CLRN1: variants seen among roughly 807,000 people sequenced by gnomAD.
The protein encoded by CLRN1 is clarin-1.
A neutral mutation model predicts 18.7 loss-of-function variants in CLRN1; 15 were observed. The observed-to-expected ratio is 0.80, with a 90% CI of 0.54 to 1.23. The LOEUF is 1.23. Among genes scored for constraint, CLRN1 ranks in the 50% most tolerant of loss-of-function variants. The pLI, the probability that CLRN1 is intolerant of heterozygous loss-of-function variation, is 0.00. For synonymous variants in CLRN1, 104 were observed against 102.9 expected (o/e 1.01, Z -0.07); for missense variants, 311 against 277.5 (o/e 1.12, Z -0.86).
At chr3:150,930,358 T>C (rs1043091895) in intron 2 of CLRN1, among the ~76,000 whole-genome samples, 1 of 151,714 alleles carries the variant, frequency 6.6e-6, no homozygotes, top group Admixed American at 6.6e-5. Flanking sequence ...GATTTGGGGG[T>C]AGGAATGAGG....
intron 1 of CLRN1, among the ~76,000 whole-genome samples, chr3:150,944,528 AT>A (rs1254274437): frequency 6.7e-6 from 1 of 149,732 alleles, no homozygotes; most frequent in Admixed American, 6.7e-5. Context: ...TTTGGGATAC[AT>A]TTTGGAGATG....
At chr3:150,946,889 C>A in intron 1 of CLRN1, among the ~76,000 whole-genome samples, 2 of 113,488 alleles carry the variant, frequency 1.8e-5, no homozygotes, top group Admixed American at 1.0e-4. Context: ...CAATGCTATC[C>A]CTCCCCCCTC....
chr3:150,944,537 A>C (rs1714047021), intron 1 of CLRN1, among the ~76,000 whole-genome samples: 1 of 144,854 alleles, frequency 6.9e-6, no homozygotes, highest in African/African-American at 2.6e-5. Context: ...CATTTTGGAG[A>C]TGGAAGATAG....
chr3:150,967,098 AGTTTACCAAAC>A (rs1354049725), intron 1 of CLRN1, among the ~76,000 whole-genome samples: 3 of 152,186 alleles, frequency 2.0e-5, no homozygotes, highest in African/African-American at 7.2e-5. Context: ...CAATAGTGTC[AGTTTACCAAAC>A]GTTTATTAAG....
At chr3:150,959,173 G>A (rs1714899951) in intron 1 of CLRN1, among the ~76,000 whole-genome samples, 1 of 150,986 alleles carries the variant, frequency 6.6e-6, no homozygotes, top group Non-Finnish European at 1.5e-5. Context: ...TGTTGAACAA[G>A]TATCCTCTAA....
intron 1 of CLRN1, among the ~76,000 whole-genome samples, chr3:150,971,891 T>A (rs9289828): frequency 0.41 from 63,017 of 152,102 alleles, 14,436 homozygotes; most frequent in Non-Finnish European, 0.53. Flanking sequence ...TAAATAGGCA[T>A]CCATTTCTTT....
At chr3:150,930,093 C>A (rs1042351194) in intron 2 of CLRN1, among the ~76,000 whole-genome samples, 1 of 152,124 alleles carries the variant, frequency 6.6e-6, no homozygotes, top group African/African-American at 2.4e-5. Flanking sequence ...TATAATTTGG[C>A]AGAGGACATA....
chr3:150,952,111 G>A lies in CLRN1; in HGVS notation c.254-10350C>T, dbSNP rs189258154. ...AGTTGTCCACTATGCCCCATCTTCCGGCAGCATAGCAGTCTTACACTTCCG... is the reference window on the plus strand; with the variant it reads ...AGTTGTCCACTATGCCCCATCTTCCAGCAGCATAGCAGTCTTACACTTCCG... On this transcript the variant is annotated intron_variant, in intron 1 of 2. Coordinates refer to ENST00000327047, the MANE Select transcript of CLRN1 (RefSeq NM_174878.3). 6.6e-3 allele frequency among the ~76,000 whole-genome samples: 1,011 copies of A among 152,232 alleles called. 6 individuals carry two copies. Among genetic ancestry groups the A allele is most frequent in the Middle Eastern group, 0.01 (3 of 294 alleles).
At chr3:150,945,117 T>G (rs1714096517) in intron 1 of CLRN1, among the ~76,000 whole-genome samples, 1 of 152,144 alleles carries the variant, frequency 6.6e-6, no homozygotes, top group Non-Finnish European at 1.5e-5. Context: ...TCCTTAAACT[T>G]TATGTGCTAA....
chr3:150,960,445 C>T (rs749975797), intron 1 of CLRN1, among the ~76,000 whole-genome samples: 5 of 152,138 alleles, frequency 3.3e-5, no homozygotes, highest in Non-Finnish European at 7.3e-5. Context: ...CCTTGAAGTA[C>T]GTGGAATTCA....
intron 2 of CLRN1, among the ~76,000 whole-genome samples, chr3:150,928,582 G>A (rs1019061722): frequency 6.6e-6 from 1 of 152,346 alleles, no homozygotes; most frequent in South Asian, 2.1e-4. Flanking sequence ...CTGCTATGAT[G>A]TGGCTTCAAG....
chr3:150,940,248 C>T (rs1465546657), intron 2 of CLRN1, among the ~76,000 whole-genome samples: 4 of 151,056 alleles, frequency 2.6e-5, no homozygotes, highest in Non-Finnish European at 4.4e-5. Flanking sequence ...AAAATATTAG[C>T]AGAATCTCCA....
chr3:150,960,533 G>A (rs1474050791), intron 1 of CLRN1, among the ~76,000 whole-genome samples: 1 of 152,068 alleles, frequency 6.6e-6, no homozygotes, highest in Non-Finnish European at 1.5e-5. Context: ...TATAACTAAT[G>A]CAGGAACTTT....
At position 150,930,958 on chromosome 3, in the gene CLRN1, C is replaced by T. The variant is rs186486902; in HGVS notation, c.434-2757G>A. The stretch of plus-strand genomic sequence containing the variant: ...CACACAGCCCCCAAAACAAAGTGTG[C>T]TGTCTGGTAGTAGAGAGGACAGTCT... On this transcript the variant is annotated intron_variant, in intron 2 of 2. Transcript: ENST00000327047. 1.1e-3 allele frequency among the ~76,000 whole-genome samples: 161 copies of T among 152,302 alleles called. No individual in the cohort carries two copies. In the Middle Eastern group the frequency reaches 0.017, roughly 16 times the overall value.
chr3:150,948,173 A>T (rs1163073986), intron 1 of CLRN1, among the ~76,000 whole-genome samples: 2 of 152,184 alleles, frequency 1.3e-5, no homozygotes, highest in Non-Finnish European at 2.9e-5. Context: ...AAGAGAAGAG[A>T]GAGGATTCAA....
intron 2 of CLRN1, among the ~76,000 whole-genome samples, chr3:150,931,354 C>T (rs1424659940): frequency 1.2e-4 from 19 of 152,160 alleles, no homozygotes. Flanking sequence ...CTGCTTTGTG[C>T]CCCACATTTA....
At chr3:150,944,115 C>A (rs1016552833) in intron 1 of CLRN1, 5 of 517,244 alleles carry the variant, frequency 9.7e-6, no homozygotes, top group Admixed American at 6.1e-5. Context: ...CGAGCTGACA[C>A]CTGAATGTTG....
At chr3:150,942,415 A>T (rs1713910413) in intron 1 of CLRN1, 2 of 201,136 alleles carry the variant, frequency 9.9e-6, no homozygotes, top group South Asian at 1.4e-4. Flanking sequence ...CCTACATTTT[A>T]GGGCTTCTTT....
chr3:150,938,688 C>A (rs1158239264), intron 2 of CLRN1, among the ~76,000 whole-genome samples: 2 of 152,138 alleles, frequency 1.3e-5, no homozygotes, highest in Non-Finnish European at 2.9e-5. Context: ...TTATCCTCTG[C>A]AAGACACAGA....
Sources: gnomAD v4.1 joint callset for allele counts (sites outside exome capture counted in the v4.1 genomes callset) on GRCh38, gnomAD v4.1.1 for gene constraint, MANE v1.5 for transcripts, NCBI Gene and HGNC (gene_info 2026-07-23, HGNC 2026-07-21) for gene names.